The following CSRNP3 variants were observed in gnomAD, a reference collection of about 807,000 sequenced individuals.
CSRNP3 encodes cysteine/serine-rich nuclear protein 3.
Under a neutral mutation model 48.0 loss-of-function variants are expected in CSRNP3, and 12 were observed. The ratio of observed to expected loss-of-function variants is 0.25; its 90% CI spans 0.16 to 0.41. The LOEUF is 0.41. Ranked by LOEUF, CSRNP3 falls within the 10% of genes least tolerant of loss-of-function variation. The probability of loss-of-function intolerance (pLI) is 1.00; values close to 1 mark genes in which losing one functional copy is unlikely to be tolerated. For synonymous variants in CSRNP3, 263 were observed against 269.7 expected, an observed-to-expected ratio of 0.98 and a Z score of 0.24; for missense variants, 580 against 724.4, an observed-to-expected ratio of 0.80 and a Z score of 2.29.
intron 3 of CSRNP3, among the ~76,000 whole-genome samples, chr2:165,558,274 G>A (rs1685187065): frequency 6.6e-6 from 1 of 152,176 alleles, no homozygotes; most frequent in African/African-American, 2.4e-5. Flanking sequence ...CATTGTCACA[G>A]TTGCTGGTGT....
intron 5 of CSRNP3, among the ~76,000 whole-genome samples, chr2:165,668,375 G>A (rs544349446): frequency 1.3e-4 from 19 of 149,136 alleles, no homozygotes; most frequent in African/African-American, 3.9e-4. Context: ...TTCTGTGTCT[G>A]AATCATATCC....
intron 3 of CSRNP3, among the ~76,000 whole-genome samples, chr2:165,560,307 G>A (rs1020736195): frequency 6.6e-6 from 1 of 152,260 alleles, no homozygotes; most frequent in African/African-American, 2.4e-5. Context: ...CCTAGAAGCA[G>A]AAGAAATTAC....
chr2:165,659,298 G>T (rs1687060331), intron 5 of CSRNP3, among the ~76,000 whole-genome samples: 2 of 152,112 alleles, frequency 1.3e-5, no homozygotes, highest in African/African-American at 4.8e-5. Flanking sequence ...AATAGAGGGA[G>T]AAATTTAGCA....
chr2:165,538,525 C>T (rs13000355), intron 3 of CSRNP3, among the ~76,000 whole-genome samples: 33,694 of 151,776 alleles, frequency 0.22, 4,039 homozygotes, highest in East Asian at 0.38. Context: ...CAACTCATGG[C>T]GAAGAAAGGA....
chr2:165,488,748 T>C (rs1269785352), intron 1 of CSRNP3, among the ~76,000 whole-genome samples: 31 of 119,584 alleles, frequency 2.6e-4, no homozygotes, highest in African/African-American at 1.0e-3. Context: ...TTGAAACCAA[T>C]GAGAACAAAG....
intron 3 of CSRNP3, among the ~76,000 whole-genome samples, chr2:165,584,312 C>T (rs924198652): frequency 2.0e-5 from 3 of 152,090 alleles, no homozygotes; most frequent in African/African-American, 7.2e-5. Flanking sequence ...ATTTTTCTAG[C>T]CCTCACTCAA....
intron 2 of CSRNP3, among the ~76,000 whole-genome samples, chr2:165,501,650 G>A (rs149935025): frequency 8.3e-4 from 126 of 152,082 alleles, no homozygotes; most frequent in African/African-American, 2.6e-3. Context: ...TACTTTAGTT[G>A]CTAAATATGT....
At chr2:165,637,250 T>C (rs1490684220) in intron 4 of CSRNP3, among the ~76,000 whole-genome samples, 1 of 152,176 alleles carries the variant, frequency 6.6e-6, no homozygotes, top group Non-Finnish European at 1.5e-5. Context: ...TAGGAAAGCT[T>C]GAGTTCTAAC....
chr2:165,547,431 C>T (rs528695420), intron 3 of CSRNP3, among the ~76,000 whole-genome samples: 1 of 152,138 alleles, frequency 6.6e-6, no homozygotes, highest in Admixed American at 6.5e-5. Context: ...CAGTCCCTTG[C>T]CAATACTGAA....
At chr2:165,614,090 A>G (rs1686188696) in intron 4 of CSRNP3, among the ~76,000 whole-genome samples, 1 of 151,954 alleles carries the variant, frequency 6.6e-6, no homozygotes, top group African/African-American at 2.4e-5. Flanking sequence ...CATTTCTTCA[A>G]TGTCTTTTCA....
chr2:165,520,783 T>TTATATATATATATATATATA (rs869287628), intron 3 of CSRNP3, among the ~76,000 whole-genome samples: 1 of 29,730 alleles, frequency 3.4e-5, no homozygotes, highest in Non-Finnish European at 5.2e-5. Context: ...TATATATATA[T>TTATATATATATATATATATA]TATATATATA....
At chr2:165,520,784 TATATATATATA>T (rs1684645217) in intron 3 of CSRNP3, among the ~76,000 whole-genome samples, 1 of 3,210 alleles carries the variant, frequency 3.1e-4, no homozygotes, top group African/African-American at 1.8e-3. Context: ...ATATATATAT[TATATATATATA>T]TATATATATA....
chr2:165,472,587 G>A (rs1683909376), intron 1 of CSRNP3, among the ~76,000 whole-genome samples: 1 of 151,754 alleles, frequency 6.6e-6, no homozygotes, highest in African/African-American at 2.4e-5. Flanking sequence ...AGGCAGCACT[G>A]TCATCCCATA....
At chr2:165,492,764 T>C (rs1330800781) in intron 1 of CSRNP3, among the ~76,000 whole-genome samples, 1 of 147,694 alleles carries the variant, frequency 6.8e-6, no homozygotes, top group Non-Finnish European at 1.5e-5. Context: ...CAAAACTTGC[T>C]GTCGATGTTG....
intron 3 of CSRNP3, among the ~76,000 whole-genome samples, chr2:165,524,260 T>C (rs1488332015): frequency 6.6e-6 from 1 of 152,156 alleles, no homozygotes; most frequent in East Asian, 1.9e-4. Flanking sequence ...TAGATGGTAC[T>C]AAAACAATTC....
intron 2 of CSRNP3, among the ~76,000 whole-genome samples, chr2:165,505,908 A>G (rs1225690331): frequency 6.6e-6 from 1 of 152,202 alleles, no homozygotes; most frequent in Non-Finnish European, 1.5e-5. Context: ...CGGTTATATT[A>G]GTCAAGACTT....
In CSRNP3 at chr2:165,686,197, T is replaced by C. The variant is rs1288154400; in HGVS notation, c.*6444T>C. 1 of 152,050 alleles carries C rather than the reference T, an allele frequency of 6.6e-6. No homozygotes were observed. The highest frequency in any genetic ancestry group is 1.5e-5 in the Non-Finnish European group (1 of 67,974). The allele number at this position is 152,050 out of a possible 1,614,324, so 9.4% of individuals were successfully genotyped here. The stretch of plus-strand genomic sequence containing the variant: ...GACCTAGAAAATGTCTCTTTTAAAT[T>C]TATCTAGGTACTTGTATCACCAGAG... On this transcript the variant is annotated 3_prime_UTR_variant, in exon 7 of 7. Coordinates refer to ENST00000651982, the MANE Select transcript of CSRNP3 (RefSeq NM_001172173.2).
At chr2:165,591,918 C>T (rs906168584) in intron 3 of CSRNP3, among the ~76,000 whole-genome samples, 27 of 152,144 alleles carry the variant, frequency 1.8e-4, no homozygotes, top group African/African-American at 6.3e-4. Context: ...CACTGGGGCA[C>T]TGCCTAGTGG....
chr2:165,590,226 T>A (rs1685694211), intron 3 of CSRNP3, among the ~76,000 whole-genome samples: 1 of 152,066 alleles, frequency 6.6e-6, no homozygotes, highest in African/African-American at 2.4e-5. Flanking sequence ...TTCAAAAGAG[T>A]GGACAATGAT....
Sources: allele counts gnomAD v4.1 joint callset (sites outside exome capture counted in the v4.1 genomes callset), GRCh38; gene constraint gnomAD v4.1.1; transcripts MANE v1.5; gene names NCBI Gene and HGNC (gene_info 2026-07-23, HGNC 2026-07-21).